Variants in WDR41 observed in about 807,000 individuals in gnomAD.
WDR41 encodes the protein WD repeat domain 41, also known as WD repeat-containing protein 41.
A neutral mutation model predicts 69.3 loss-of-function variants in WDR41; 63 were observed. The observed-to-expected ratio is 0.91, with a 90% CI of 0.74 to 1.12. The LOEUF is 1.12. Among genes scored for constraint, WDR41 ranks in the 50% most tolerant of loss-of-function variants. The pLI is 0.00. For missense variants in WDR41, 543 were observed against 534.5 expected (o/e 1.02, Z -0.16); for synonymous variants, 185 against 192.1 (o/e 0.96, Z 0.31).
chr5:77,443,297 T>C (rs975434381), intron 8 of WDR41, among the ~76,000 whole-genome samples: 2 of 152,202 alleles, frequency 1.3e-5, no homozygotes, highest in Non-Finnish European at 2.9e-5. Context: ...CTGTTACTTG[T>C]TAATTTAGGA....
chr5:77,595,132 C>T (rs773266277), intron 1 of WDR41, among the ~76,000 whole-genome samples: 2 of 146,990 alleles, frequency 1.4e-5, no homozygotes, highest in Admixed American at 6.8e-5. Flanking sequence ...CTAACAAAAT[C>T]GATTTGAAAT....
intron 1 of WDR41, among the ~76,000 whole-genome samples, chr5:77,521,716 C>T (rs1354873999): frequency 6.6e-6 from 1 of 152,194 alleles, no homozygotes; most frequent in African/African-American, 2.4e-5. Context: ...ACAGTCTTGA[C>T]TGATCACATT....
At chr5:77,533,363 G>A (rs1267865719) in intron 1 of WDR41, among the ~76,000 whole-genome samples, 1 of 152,134 alleles carries the variant, frequency 6.6e-6, no homozygotes, top group East Asian at 1.9e-4. Context: ...GTAGTCAGAA[G>A]CAATGAACTC....
intron 1 of WDR41, among the ~76,000 whole-genome samples, chr5:77,606,094 T>C (rs544026471): frequency 5.3e-5 from 8 of 152,270 alleles, no homozygotes; most frequent in African/African-American, 1.7e-4. Flanking sequence ...CTTTTATACC[T>C]TCCAAGCAGA....
intron 4 of WDR41, 140 bp from the exon 5 acceptor site, chr5:77,459,264 C>T: frequency 1.7e-6 from 1 of 579,168 alleles, no homozygotes; most frequent in South Asian, 2.8e-5. Flanking sequence ...GTTTATACCA[C>T]CACAAAAATG....
chr5:77,595,897 G>A (rs181053125), intron 1 of WDR41, among the ~76,000 whole-genome samples: 54 of 152,232 alleles, frequency 3.5e-4, no homozygotes, highest in Non-Finnish European at 6.9e-4. Flanking sequence ...TTTGTGGAAT[G>A]TTTATTTTTT....
rs141560982 is a variant in WDR41, at chr5:77,501,713, A to G, written c.43-12141T>C. On this transcript the variant is annotated intron_variant, in intron 1 of 5. Transcript: ENST00000509971. ...CAGGCAGCAATATTTGCTGTTCTGC[A>G]GCCTCTGCTTGTGATACCAAGGCAA... is the stretch of plus-strand genomic sequence containing the variant. 8.4e-3 allele frequency among the ~76,000 whole-genome samples: 1,285 copies of G among 152,276 alleles called. 8 individuals are homozygous for G. The highest frequency in any genetic ancestry group is 0.031 in the Middle Eastern group (9 of 294).
intron 1 of WDR41, among the ~76,000 whole-genome samples, chr5:77,611,716 AT>A (rs1744556047): frequency 1.3e-5 from 2 of 151,912 alleles, no homozygotes; most frequent in African/African-American, 2.4e-5. Context: ...ACACCCTAAC[AT>A]CACAATTAAA....
At position 77,502,486 on chromosome 5, in the gene WDR41, G is replaced by A. The variant is rs551870911; in HGVS notation, c.43-12914C>T. Among the ~76,000 whole-genome samples, 6 of 152,246 alleles carry A rather than the reference G, an allele frequency of 3.9e-5. No individual in the cohort carries two copies. In the South Asian group the frequency reaches 1.0e-3, roughly 26 times the overall value. On this transcript the variant is annotated intron_variant, in intron 1 of 5. Coordinates refer to the WDR41 transcript ENST00000509971. ...AGGAGAACATCCCCAACCTAGCAAG[G>A]CAGGCTAACATTCAAATTCAGAAAA...
chr5:77,606,659 C>G (rs1389086810), intron 1 of WDR41, among the ~76,000 whole-genome samples: 1 of 151,742 alleles, frequency 6.6e-6, no homozygotes, highest in Non-Finnish European at 1.5e-5. Flanking sequence ...AAAAATTATC[C>G]AGGTGTGGTA....
At chr5:77,529,007 C>G (rs957995807) in intron 1 of WDR41, among the ~76,000 whole-genome samples, 11 of 151,372 alleles carry the variant, frequency 7.3e-5, no homozygotes, top group African/African-American at 2.4e-4. Context: ...CTTCTATCAA[C>G]TTTGTACTGA....
At chr5:77,588,220 C>T (rs879480264) in intron 1 of WDR41, among the ~76,000 whole-genome samples, 2 of 152,144 alleles carry the variant, frequency 1.3e-5, no homozygotes, top group Admixed American at 1.3e-4. Context: ...ATCTTCCACT[C>T]AGTGATTTGC....
chr5:77,562,261 C>T (rs1426392253), intron 1 of WDR41, among the ~76,000 whole-genome samples: 1 of 152,156 alleles, frequency 6.6e-6, no homozygotes, highest in African/African-American at 2.4e-5. Context: ...TATCTCTCAC[C>T]AACCACGGGC....
chr5:77,514,774 T>G (rs1802268998), intron 1 of WDR41, among the ~76,000 whole-genome samples: 1 of 152,114 alleles, frequency 6.6e-6, no homozygotes, highest in African/African-American at 2.4e-5. Context: ...AGTCTACCAA[T>G]CCAGATAGCA....
chr5:77,578,864 C>CAAAA (rs55920763), intron 1 of WDR41, among the ~76,000 whole-genome samples: 67 of 76,940 alleles, frequency 8.7e-4, no homozygotes, highest in African/African-American at 1.1e-3. Flanking sequence ...AACTCCATCT[C>CAAAA]AAAAAAAAAA....
intron 1 of WDR41, among the ~76,000 whole-genome samples, chr5:77,587,605 T>C (rs1430575519): frequency 1.3e-5 from 2 of 152,218 alleles, no homozygotes; most frequent in South Asian, 2.1e-4. Flanking sequence ...AGTAATGATG[T>C]TGAGCACTGT....
chr5:77,433,408 AACTTC>A (rs1226706042), intron 12 of WDR41, 121 bp from the exon 13 acceptor site: 1 of 728,528 alleles, frequency 1.4e-6, no homozygotes, highest in Non-Finnish European at 2.0e-6. Flanking sequence ...CTGGGTGTAG[AACTTC>A]ATTTCATTTT....
At chr5:77,523,679 T>C (rs1802405937) in intron 1 of WDR41, among the ~76,000 whole-genome samples, 2 of 152,198 alleles carry the variant, frequency 1.3e-5, no homozygotes, top group African/African-American at 4.8e-5. Context: ...GGCTCTTTTT[T>C]AGTTTAACAA....
intron 1 of WDR41, among the ~76,000 whole-genome samples, chr5:77,531,441 A>C (rs1002306731): frequency 1.3e-5 from 2 of 151,912 alleles, no homozygotes; most frequent in Non-Finnish European, 1.5e-5. Context: ...AATCAAAACC[A>C]CAATAAGATA....
Sources: gnomAD v4.1 joint callset for allele counts (sites outside exome capture counted in the v4.1 genomes callset) on GRCh38, gnomAD v4.1.1 for gene constraint, MANE v1.5 for transcripts, NCBI Gene and HGNC (gene_info 2026-07-23, HGNC 2026-07-21) for gene names.